LIN52: variants seen among roughly 807,000 people sequenced by gnomAD.
LIN52 encodes the protein lin-52 DREAM MuvB core complex component.
In LIN52, 4 loss-of-function variants were observed where a neutral mutation model predicts 18.5. The ratio of observed to expected loss-of-function variants is 0.22; its 90% CI spans 0.11 to 0.49. LIN52 has a LOEUF of 0.49. Ranked by LOEUF, LIN52 falls within the 20% of genes least tolerant of loss-of-function variation. The probability of loss-of-function intolerance (pLI) is 0.97; values close to 1 mark genes in which losing one functional copy is unlikely to be tolerated. For missense variants in LIN52, 102 were observed against 139.5 expected (o/e 0.73, Z 1.35); for synonymous variants, 34 against 45.5 (o/e 0.75, Z 1.02).
At chr14:74,153,548 A>AT (rs34668824) in intron 5 of LIN52, among the ~76,000 whole-genome samples, 6,862 of 145,284 alleles carry the variant, frequency 0.047, 489 homozygotes, top group African/African-American at 0.16. Flanking sequence ...ATGGAAAATG[A>AT]TTTTTTTTTT....
intron 5 of LIN52, among the ~76,000 whole-genome samples, chr14:74,108,206 T>G (rs907900193): frequency 2.2e-5 from 3 of 135,272 alleles, no homozygotes; most frequent in African/African-American, 7.4e-5. Flanking sequence ...ATCAGTGCTT[T>G]CTTTCTTTTT....
intron 5 of LIN52, among the ~76,000 whole-genome samples, chr14:74,123,155 T>C (rs2061009201): frequency 6.6e-6 from 1 of 152,198 alleles, no homozygotes; most frequent in South Asian, 2.1e-4. Context: ...ATTTACATTC[T>C]TAGGTCACTT....
At position 74,103,755 on chromosome 14, in the gene LIN52, T is replaced by G. The variant is rs1458511303; in HGVS notation, c.283+2517T>G. Among the ~76,000 whole-genome samples the G allele has an allele frequency of 2.8e-5, 4 of 142,676 alleles. No homozygotes were observed. In the South Asian group the frequency reaches 9.1e-4, roughly 32 times the overall value. The allele number at this position is 142,676 out of a possible 152,430, so 93.6% of individuals were successfully genotyped here. A position where few individuals can be genotyped will look rare whatever the true frequency, so the allele number is the denominator to read the frequency against. On this transcript the variant is annotated intron_variant, in intron 5 of 5. Transcript: ENST00000555028. Reference sequence around the variant, plus strand: ...CCAGTTTTTTTTTTTTTTTTTTTTTTTTTTTTTTTTTTTTAAGAGACTGGG... The same window carrying G: ...CCAGTTTTTTTTTTTTTTTTTTTTTGTTTTTTTTTTTTTTAAGAGACTGGG...
intron 5 of LIN52, among the ~76,000 whole-genome samples, chr14:74,123,994 G>A (rs1016487744): frequency 6.6e-6 from 1 of 152,076 alleles, no homozygotes; most frequent in Non-Finnish European, 1.5e-5. Context: ...GAGTTAAATT[G>A]GATGATGATT....
At chr14:74,189,141 G>A (rs1415599800) in intron 5 of LIN52, among the ~76,000 whole-genome samples, 1 of 152,282 alleles carries the variant, frequency 6.6e-6, no homozygotes, top group East Asian at 1.9e-4. Context: ...TTCTGATCAA[G>A]TCACTTTGAC....
At chr14:74,111,498 C>G (rs989620820) in intron 5 of LIN52, among the ~76,000 whole-genome samples, 1 of 150,842 alleles carries the variant, frequency 6.6e-6, no homozygotes, top group Non-Finnish European at 1.5e-5. Context: ...GATGGGGTCT[C>G]CCTGTGTTGC....
intron 5 of LIN52, among the ~76,000 whole-genome samples, chr14:74,177,817 G>A (rs375961994): frequency 2.0e-5 from 3 of 152,102 alleles, no homozygotes; most frequent in East Asian, 1.9e-4. Flanking sequence ...TCGCTCTGTC[G>A]CCCAGGCTGG....
At chr14:74,152,221 C>T (rs961171865) in intron 5 of LIN52, among the ~76,000 whole-genome samples, 2 of 150,988 alleles carry the variant, frequency 1.3e-5, no homozygotes, top group Non-Finnish European at 2.9e-5. Flanking sequence ...CAAGATTGCA[C>T]CATTGCACTC....
intron 5 of LIN52, among the ~76,000 whole-genome samples, chr14:74,119,195 T>C (rs1034321642): frequency 2.7e-5 from 4 of 146,236 alleles, no homozygotes; most frequent in Non-Finnish European, 4.5e-5. Flanking sequence ...AGAGTCTTGC[T>C]CTGTTGCCCA....
In LIN52 at chr14:74,184,559, C is replaced by G. The variant is rs201302792; in HGVS notation, c.284-14363C>G. On this transcript the variant is annotated intron_variant, in intron 5 of 5. Coordinates refer to ENST00000555028, the MANE Select transcript of LIN52 (RefSeq NM_001024674.3). ...ACATCAAGACTGACATGACATCTGT[C>G]TGTTCCAGTTTGAGTGAAGATCAGT... is the stretch of plus-strand genomic sequence containing the variant. 7.9e-5 allele frequency among the ~76,000 whole-genome samples: 12 copies of G among 152,298 alleles called. No individual in the cohort carries two copies. The East Asian group carries it at 2.3e-3, about 29-fold the overall frequency.
chr14:74,115,931 G>A (rs2060961731), intron 5 of LIN52, among the ~76,000 whole-genome samples: 3 of 152,224 alleles, frequency 2.0e-5, no homozygotes, highest in Admixed American at 2.0e-4. Flanking sequence ...GGGGGTTGGA[G>A]AGTAGGCAGA....
At chr14:74,121,569 T>C (rs998594707) in intron 5 of LIN52, among the ~76,000 whole-genome samples, 2 of 152,176 alleles carry the variant, frequency 1.3e-5, no homozygotes, top group Non-Finnish European at 2.9e-5. Flanking sequence ...TAGTTAAAGA[T>C]GCTTTGGTTT....
At chr14:74,188,350 G>A (rs540934670) in intron 5 of LIN52, among the ~76,000 whole-genome samples, 104 of 152,160 alleles carry the variant, frequency 6.8e-4, no homozygotes, top group African/African-American at 2.3e-3. Flanking sequence ...AAATAGTGGC[G>A]TGAATAATAC....
chr14:74,088,707 G>A (rs1031056055), intron 1 of LIN52, among the ~76,000 whole-genome samples: 4 of 152,156 alleles, frequency 2.6e-5, no homozygotes, highest in African/African-American at 9.7e-5. Flanking sequence ...CATTTTGTAC[G>A]TATGTATATT....
At chr14:74,097,576 G>A (rs1168918428) in intron 3 of LIN52, among the ~76,000 whole-genome samples, 7 of 151,914 alleles carry the variant, frequency 4.6e-5, no homozygotes, top group Non-Finnish European at 1.0e-4. Flanking sequence ...GAGATTACAG[G>A]TGTGTGCCAT....
chr14:74,159,841 T>G (rs11159066), intron 5 of LIN52, among the ~76,000 whole-genome samples: 123,985 of 152,166 alleles, frequency 0.81, 50,721 homozygotes, highest in Admixed American at 0.83. Context: ...CAAAGTGCTG[T>G]GACTACAGGT....
At chr14:74,100,490 T>G (rs1026759813) in intron 4 of LIN52, among the ~76,000 whole-genome samples, 5 of 151,906 alleles carry the variant, frequency 3.3e-5, no homozygotes, top group Admixed American at 6.6e-5. Context: ...TATATTTTTT[T>G]TTTGAGAAGG....
intron 5 of LIN52, among the ~76,000 whole-genome samples, chr14:74,170,896 A>G (rs2061267225): frequency 6.6e-6 from 1 of 151,510 alleles, no homozygotes; most frequent in Non-Finnish European, 1.5e-5. Context: ...TAAGACATAA[A>G]TGATCCCAGG....
intron 5 of LIN52, among the ~76,000 whole-genome samples, chr14:74,184,716 G>A (rs1470945153): frequency 6.6e-6 from 1 of 152,170 alleles, no homozygotes; most frequent in Non-Finnish European, 1.5e-5. Flanking sequence ...CAGAAAAAAT[G>A]TTAAATTTTT....
Sources: gnomAD v4.1 joint callset for allele counts (sites outside exome capture counted in the v4.1 genomes callset) on GRCh38, gnomAD v4.1.1 for gene constraint, MANE v1.5 for transcripts, NCBI Gene and HGNC (gene_info 2026-07-23, HGNC 2026-07-21) for gene names.